DNHD1: variants seen among roughly 807,000 people sequenced by gnomAD.
DNHD1 encodes dynein heavy chain domain 1.
Under a neutral mutation model 458.1 loss-of-function variants are expected in DNHD1, and 383 were observed. The observed-to-expected ratio is 0.84, with a 90% CI of 0.77 to 0.91. DNHD1 has a LOEUF of 0.91. Ranked by LOEUF, DNHD1 falls within the 40% of genes least tolerant of loss-of-function variation. The pLI is 0.00. For synonymous variants in DNHD1, 2,203 were observed against 2,376.9 expected (o/e 0.93, Z 2.13); for missense variants, 5,336 against 5,866.1 (o/e 0.91, Z 2.95).
chr11:6,498,957 A>C lies in DNHD1; in HGVS notation c.742A>C (p.Thr248Pro). 2 of 1,598,008 alleles carry C rather than the reference A, an allele frequency of 1.3e-6. No individual in the cohort carries two copies. The highest frequency in any genetic ancestry group is 1.7e-6 in the Non-Finnish European group (2 of 1,171,296). ...AEVEPVGRKETRSQLDYEVPR... is the reference protein window; with the variant it reads ...AEVEPVGRKEPRSQLDYEVPR... ...GGTGGAGCCTGTTGGAAGAAAAGAG[A>C]CCAGGTAAGTGAGGGACTCAGTCTA... is the stretch of plus-strand genomic sequence containing the variant. The change falls in exon 3 of 43, where the codon ACC becomes CCC. Residue 248 changes from threonine to proline, a missense_variant. Thr to Pro is a conservative substitution (Grantham distance 38). Transcript: ENST00000254579.
In DNHD1 at chr11:6,557,565, G is replaced by T. The variant is rs532079554; in HGVS notation, c.8270G>T (p.Ser2757Ile). 7.2e-5 allele frequency: 112 copies of T among 1,551,796 alleles called. 2 individuals carry two copies. The South Asian group carries it at 1.3e-3, about 17-fold the overall frequency. Residue 2757 changes from serine (S) to isoleucine (I), a missense_variant, in exon 25 of 43, where the codon AGC becomes ATC. This residue lies in a region of DNHD1 where 3,932 missense variants were observed against 4,365.6 expected (regional missense o/e 0.90). Coordinates refer to ENST00000254579, the MANE Select transcript of DNHD1 (RefSeq NM_144666.3). The stretch of plus-strand genomic sequence containing the variant: ...CTAACACCATCCATAGGACCAGTAA[G>T]CAGGGGGATGAAGGAAAGCATAAGT... Reference protein sequence around the residue: ...PSLTPSIGPVSRGMKESISHK... With the variant: ...PSLTPSIGPVIRGMKESISHK...
rs762175023 is a variant in DNHD1 at position 6,547,017 on chromosome 11, G to A, written c.6078G>A (p.Val2026=). 1 of 1,551,682 alleles carries A rather than the reference G, an allele frequency of 6.4e-7. No individual in the cohort carries two copies. ...EDTSTQGCQP[V]EITHLYPSGL... Reference sequence around the variant, plus strand: ...CCTCAACCCAAGGCTGCCAGCCTGTGGAAATTACCCACCTGTACCCCAGTG... The same window carrying A: ...CCTCAACCCAAGGCTGCCAGCCTGTAGAAATTACCCACCTGTACCCCAGTG... The change falls in exon 21 of 43, where the codon GTG becomes GTA. Residue 2026 remains valine, a synonymous_variant. Transcript: ENST00000254579.
intron 24 of DNHD1, among the ~76,000 whole-genome samples, chr11:6,555,461 G>A (rs1251092186): frequency 1.3e-5 from 2 of 152,216 alleles, no homozygotes; most frequent in Non-Finnish European, 1.5e-5. Context: ...GCATTAGGCT[G>A]TCCATCAGAT....
intron 10 of DNHD1, among the ~76,000 whole-genome samples, chr11:6,521,177 A>G (rs1852597710): frequency 6.6e-6 from 1 of 152,206 alleles, no homozygotes; most frequent in Non-Finnish European, 1.5e-5. Context: ...ACCTAACCTG[A>G]AGAATTATTT....
chr11:6,564,088 G>A lies in DNHD1; in HGVS notation c.10248G>A (p.Leu3416=), dbSNP rs1179428638. ...QYHKWPMKAA[L]LTPMRAWTTQ... ...ACAAATGGCCCATGAAGGCTGCACTGCTCACGCCTATGCGTGCCTGGACTA... is the reference window on the plus strand; with the variant it reads ...ACAAATGGCCCATGAAGGCTGCACTACTCACGCCTATGCGTGCCTGGACTA... The change falls in exon 31 of 43, where the codon CTG becomes CTA. Residue 3416 remains leucine, a synonymous_variant. Coordinates refer to ENST00000254579, the MANE Select transcript of DNHD1 (RefSeq NM_144666.3). 2.6e-6 allele frequency: 4 copies of A among 1,551,394 alleles called. No homozygotes were observed. Among genetic ancestry groups the A allele is most frequent in the Non-Finnish European group, 3.5e-6 (4 of 1,146,988 alleles).
chr11:6,531,369 T>G lies in DNHD1; in HGVS notation c.2348-1658T>G, dbSNP rs548176409. Among the ~76,000 whole-genome samples, 6 of 152,340 alleles carry G rather than the reference T, an allele frequency of 3.9e-5. No homozygotes were observed. The South Asian group carries it at 1.0e-3, about 26-fold the overall frequency. ...CCTTGTCATTCTTCTGCCCCCTAAG[T>G]ATCTCTTAAATCTGTTTTTATCCAT... On this transcript the variant is annotated intron_variant, in intron 12 of 42. Transcript: ENST00000254579.
intron 28 of DNHD1, among the ~76,000 whole-genome samples, chr11:6,559,771 C>T (rs529304394): frequency 1.3e-5 from 2 of 152,296 alleles, no homozygotes; most frequent in African/African-American, 4.8e-5. Flanking sequence ...TGGCATAGAA[C>T]CAGAAGTAAA....
intron 24 of DNHD1, among the ~76,000 whole-genome samples, chr11:6,551,179 A>G (rs534506173): frequency 5.2e-5 from 8 of 152,382 alleles, no homozygotes; most frequent in African/African-American, 1.7e-4. Flanking sequence ...ACAAATATTG[A>G]TAAGATGCCT....
intron 39 of DNHD1, among the ~76,000 whole-genome samples, chr11:6,569,422 G>C (rs1853788425): frequency 6.6e-6 from 1 of 151,962 alleles, no homozygotes; most frequent in Admixed American, 6.5e-5. Context: ...GGTGGAGCTT[G>C]CAGTGAGCCG....
At position 6,528,560 on chromosome 11, in the gene DNHD1, AT is replaced by A. The variant is rs1852762975; in HGVS notation, c.1877del (p.Met626SerfsTer12). On this transcript the variant is annotated frameshift_variant, in exon 11 of 43. Transcript: ENST00000254579. LOFTEE classifies it high-confidence loss of function. ...GGAGGACTCAAAAGACGAATTTCTG[AT>A]GCCCAAGTTCCAGGGCCAGCCCAGC... is the stretch of plus-strand genomic sequence containing the variant. ...EEEDSKDEFLMPKFQGQPSDA... is the reference protein window; with the variant it reads ...EEEDSKDEFLXPKFQGQPSDA... The A allele has an allele frequency of 6.4e-7, 1 of 1,550,812 alleles. No individual in the cohort carries two copies. The highest frequency in any genetic ancestry group is 8.7e-7 in the Non-Finnish European group (1 of 1,146,316).
chr11:6,525,739 T>C (rs1216524904), intron 10 of DNHD1, among the ~76,000 whole-genome samples: 1 of 152,220 alleles, frequency 6.6e-6, no homozygotes, highest in Non-Finnish European at 1.5e-5. Flanking sequence ...GTTTATACTT[T>C]TTTCCTTTGT....
rs905653378 is a variant in DNHD1, at chr11:6,548,891, T to A, written c.7345T>A (p.Ser2449Thr). 1.3e-6 allele frequency: 2 copies of A among 1,551,520 alleles called. No individual in the cohort carries two copies. The highest frequency in any genetic ancestry group is 2.0e-5 in the Admixed American group (1 of 50,992). Residue 2449 changes from serine to threonine, a missense_variant, in exon 24 of 43, where the codon TCC (serine) becomes ACC (threonine). By Grantham distance (58) the Ser-to-Thr change is moderately conservative (BLOSUM62 1). Transcript: ENST00000254579. This position sits in a 1 kb window ranked among gnomAD's most constrained non-coding sequence, Gnocchi z 4.4. ...QPGHHQDSKP[S>T]LLFLLEDLHL... ...TGGGCATCACCAGGATTCTAAACCC[T>A]CCCTCCTCTTCTTGCTGGAGGACCT...
chr11:6,511,210 G>A, intron 6 of DNHD1, 63 bp from the exon 7 acceptor site: 2 of 1,590,084 alleles, frequency 1.3e-6, no homozygotes, highest in Non-Finnish European at 1.7e-6. Context: ...GCTGAGAAGA[G>A]GTCAAAGGTA....
At chr11:6,550,918 A>G (rs1853327448) in intron 24 of DNHD1, among the ~76,000 whole-genome samples, 1 of 152,236 alleles carries the variant, frequency 6.6e-6, no homozygotes, top group South Asian at 2.1e-4. Flanking sequence ...AATCATATTA[A>G]GAAATTAATA....
intron 6 of DNHD1, 50 bp downstream of exon 6, chr11:6,509,322 C>A: frequency 6.7e-7 from 1 of 1,497,264 alleles, no homozygotes; most frequent in Non-Finnish European, 9.1e-7. Flanking sequence ...ATTAGTTTTA[C>A]TAAAGGTAAT....
chr11:6,571,260 TGTCA>T lies in DNHD1; in HGVS notation c.13750_13753del (p.Ser4584ProfsTer45). 1 of 1,612,670 alleles carries T rather than the reference TGTCA, an allele frequency of 6.2e-7. No homozygotes were observed. The highest frequency in any genetic ancestry group is 2.2e-5 in the East Asian group (1 of 44,826). ...GATGTACCAGAGCGCGTCTTCCACC[TGTCA>T]GCCTTTCGCCACCCGCGCCGCCTGC... On this transcript the variant is annotated frameshift_variant, in exon 42 of 43. Transcript: ENST00000254579. LOFTEE classifies it high-confidence loss of function. The surrounding 1 kb of genome is among the most constrained non-coding windows in gnomAD (Gnocchi z 5.0).
Position 6,571,027 on chromosome 11 carries a change from C to T in DNHD1, c.13515C>T (p.Cys4505=). Residue 4505 remains cysteine, a synonymous_variant, in exon 42 of 43, where the codon TGC becomes TGT. Coordinates refer to ENST00000254579, the MANE Select transcript of DNHD1 (RefSeq NM_144666.3). The surrounding 1 kb of genome is among the most constrained non-coding windows in gnomAD (Gnocchi z 5.0). The part of the protein sequence containing the change: ...LVGTLQRDLD[C]LLQQLKGAPP... ...GCACGCTACAACGCGACCTTGATTGCCTGTTGCAGCAGCTGAAGGGCGCAC... is the reference window on the plus strand; with the variant it reads ...GCACGCTACAACGCGACCTTGATTGTCTGTTGCAGCAGCTGAAGGGCGCAC... 6.3e-7 allele frequency: 1 copy of T among 1,587,012 alleles called. No homozygotes were observed.
intron 12 of DNHD1, 103 bp downstream of exon 12, chr11:6,529,224 C>G: frequency 7.7e-7 from 1 of 1,294,864 alleles, no homozygotes; most frequent in Non-Finnish European, 1.1e-6. Flanking sequence ...TCGGTGCAGG[C>G]CTCTTATTGG....
In DNHD1 at chr11:6,568,226, G is replaced by C. The variant is rs1219363983; in HGVS notation, c.12522G>C (p.Leu4174=). 6.4e-7 allele frequency: 1 copy of C among 1,551,026 alleles called. No homozygotes were observed. Among genetic ancestry groups the C allele is most frequent in the Admixed American group, 2.0e-5 (1 of 50,998 alleles). ...PKELLQLLLE[L]LGRAKVVADL... ...AGCTGCTACAGCTCTTGCTGGAACT[G>C]TTAGGCAGAGCCAAGGGTGAGTTTA... Residue 4174 remains leucine (L), a synonymous_variant, in exon 37 of 43, where the codon CTG becomes CTC. Coordinates refer to ENST00000254579, the MANE Select transcript of DNHD1 (RefSeq NM_144666.3).
Sources: gnomAD v4.1 joint callset for allele counts (sites outside exome capture counted in the v4.1 genomes callset) on GRCh38, gnomAD v4.1.1 for gene constraint, gnomAD v4.1.1 regional missense constraint, Gnocchi (gnomAD v3.1) non-coding constraint, MANE v1.5 for transcripts, NCBI Gene and HGNC (gene_info 2026-07-23, HGNC 2026-07-21) for gene names.